Variants in MAPK8IP3 observed in about 807,000 individuals in gnomAD.
MAPK8IP3 encodes C-Jun-amino-terminal kinase-interacting protein 3.
MAPK8IP3 carries 49 observed loss-of-function variants against 157.8 expected under a neutral mutation model. That is an observed-to-expected ratio of 0.31 (90% confidence interval 0.25 to 0.39). The LOEUF (loss-of-function observed/expected upper bound fraction) is 0.39. Among genes scored for constraint, MAPK8IP3 ranks in the 10% least tolerant of loss-of-function variants. The pLI is 1.00. For missense variants in MAPK8IP3, 1,478 were observed against 1,889.4 expected (o/e 0.78, Z 4.04); for synonymous variants, 897 against 777.7 (o/e 1.15, Z -2.55).
Position 1,743,404 on chromosome 16 carries a change from C to A in MAPK8IP3, c.675C>A (p.Gly225=), listed in dbSNP as rs777694953. 3 of 1,609,716 alleles carry A rather than the reference C, an allele frequency of 1.9e-6. No homozygotes were observed. The highest frequency in any genetic ancestry group is 4.5e-5 in the East Asian group (2 of 44,540). The change falls in exon 5 of 32, where the codon GGC becomes GGA. Residue 225 remains glycine, a synonymous_variant. Coordinates refer to ENST00000610761, the MANE Select transcript of MAPK8IP3 (RefSeq NM_001318852.2). This position sits in a 1 kb window ranked among gnomAD's most constrained non-coding sequence, Gnocchi z 5.6. The part of the protein sequence containing the change: ...ADGTVRAQIG[G]KLVPAGDHWH... ...GCACGGTACGTGCACAGATCGGGGG[C>A]AAGCTCGTGCCTGCGGGGGACCACT...
chr16:1,762,869 C>T lies in MAPK8IP3; in HGVS notation c.1761C>T (p.Pro587=). ...GCCTCTTCAGCTCTTCCTCCAGCCC[C>T]CCTCCGGCCAAGCGCCCCTATCCCT... ...FSRLFSSSSS[P]PPAKRPYPSV... The change falls in exon 16 of 32, where the codon CCC becomes CCT. Residue 587 remains proline, a synonymous_variant. Coordinates refer to ENST00000610761, the MANE Select transcript of MAPK8IP3 (RefSeq NM_001318852.2). The T allele has an allele frequency of 1.9e-6, 3 of 1,613,244 alleles. No individual in the cohort carries two copies. The highest frequency in any genetic ancestry group is 2.5e-6 in the Non-Finnish European group (3 of 1,179,954).
In MAPK8IP3 at chr16:1,714,432, G is replaced by A. The variant is rs529156896; in HGVS notation, c.318+7775G>A. 1.3e-4 allele frequency among the ~76,000 whole-genome samples: 19 copies of A among 146,172 alleles called. No individual in the cohort carries two copies. The South Asian group carries it at 1.7e-3, about 13-fold the overall frequency. ...ACTGTTACGGCAAGAGATCCAGGGC[G>A]TGCCACGTGAAACGCGACAGGGCCT... is the stretch of plus-strand genomic sequence containing the variant. On this transcript the variant is annotated intron_variant, in intron 1 of 31. Coordinates refer to ENST00000610761, the MANE Select transcript of MAPK8IP3 (RefSeq NM_001318852.2).
intron 1 of MAPK8IP3, among the ~76,000 whole-genome samples, chr16:1,709,116 T>G (rs2037589044): frequency 6.6e-6 from 1 of 152,236 alleles, no homozygotes; most frequent in Non-Finnish European, 1.5e-5. Flanking sequence ...CCTGAGCCAC[T>G]GCAGCTTCTG....
chr16:1,767,368 T>C, intron 26 of MAPK8IP3, 71 bp downstream of exon 26: 1 of 1,595,022 alleles, frequency 6.3e-7, no homozygotes, highest in Non-Finnish European at 8.6e-7. Flanking sequence ...GCATCTTCCA[T>C]ACGGAAGTCC....
chr16:1,745,007 T>C (rs2040881429), intron 5 of MAPK8IP3: 2 of 985,456 alleles, frequency 2.0e-6, no homozygotes, highest in African/African-American at 1.7e-5. Context: ...TGGCTACTCA[T>C]GGTGAGGAAT....
At chr16:1,729,278 T>C (rs2039125545) in intron 3 of MAPK8IP3, 70 bp downstream of exon 3, 1 of 1,541,290 alleles carries the variant, frequency 6.5e-7, no homozygotes, top group African/African-American at 1.4e-5. Context: ...CTGCGACTCT[T>C]GCGGACCGTG....
intron 4 of MAPK8IP3, among the ~76,000 whole-genome samples, chr16:1,737,008 C>T (rs2039973567): frequency 3.2e-5 from 2 of 62,060 alleles, no homozygotes; most frequent in Non-Finnish European, 6.1e-5. Context: ...GTGTGACCGT[C>T]CGTGTGAGAG....
intron 15 of MAPK8IP3, 40 bp downstream of exon 15, chr16:1,762,771 A>AG: frequency 6.3e-7 from 1 of 1,589,640 alleles, no homozygotes; most frequent in East Asian, 2.3e-5. Context: ...CAGCAGCTGC[A>AG]GGGGAAGGGG....
At chr16:1,759,353 T>C (rs760996909) in intron 10 of MAPK8IP3, among the ~76,000 whole-genome samples, 8 of 152,332 alleles carry the variant, frequency 5.3e-5, no homozygotes, top group Non-Finnish European at 1.0e-4. Flanking sequence ...TGTGATGCTG[T>C]TTCATGACTG....
chr16:1,757,972 C>A (rs950391778), intron 8 of MAPK8IP3, among the ~76,000 whole-genome samples, 176 bp from the exon 9 acceptor site: 2 of 152,376 alleles, frequency 1.3e-5, no homozygotes, highest in Admixed American at 1.3e-4. Context: ...TCTGCCTGGG[C>A]ACACGGGGCA....
chr16:1,750,494 T>G (rs185247123), intron 8 of MAPK8IP3, among the ~76,000 whole-genome samples: 2 of 152,276 alleles, frequency 1.3e-5, no homozygotes, highest in African/African-American at 2.4e-5. Flanking sequence ...ATTACAAGTG[T>G]GAGCCACCAT....
At chr16:1,747,596 C>T (rs2041042784) in intron 6 of MAPK8IP3, among the ~76,000 whole-genome samples, 1 of 152,226 alleles carries the variant, frequency 6.6e-6, no homozygotes, top group Non-Finnish European at 1.5e-5. Context: ...CCATAATCAC[C>T]TCTTGAAAGG....
At chr16:1,748,490 C>A in intron 7 of MAPK8IP3, 112 bp from the exon 8 acceptor site, 1 of 1,137,398 alleles carries the variant, frequency 8.8e-7, no homozygotes, top group South Asian at 1.3e-5. Context: ...GCCTGCAGGG[C>A]AGTGTGGGCA....
At position 1,766,386 on chromosome 16, in the gene MAPK8IP3, G is replaced by T. The variant is rs369545516; in HGVS notation, c.2796G>T (p.Pro932=). The part of the protein sequence containing the change: ...EHVFTDPAPT[P]SSGPQPGSEN... Reference sequence around the variant, plus strand: ...TCTTCACTGACCCAGCCCCGACCCCGTCCTCTGGCCCCCAGCCTGGCAGGT... The same window carrying T: ...TCTTCACTGACCCAGCCCCGACCCCTTCCTCTGGCCCCCAGCCTGGCAGGT... The change falls in exon 22 of 32, where the codon CCG becomes CCT. Residue 932 remains proline (P), a synonymous_variant. Coordinates refer to ENST00000610761, the MANE Select transcript of MAPK8IP3 (RefSeq NM_001318852.2). 1 of 1,611,370 alleles carries T rather than the reference G, an allele frequency of 6.2e-7. No homozygotes were observed. Among genetic ancestry groups the T allele is most frequent in the South Asian group, 1.1e-5 (1 of 91,052 alleles).
chr16:1,735,942 G>C (rs1438472719), intron 4 of MAPK8IP3, among the ~76,000 whole-genome samples: 1 of 144,362 alleles, frequency 6.9e-6, no homozygotes, highest in Non-Finnish European at 1.5e-5. Flanking sequence ...GTGACCGTCT[G>C]TGTGAGTGTG....
At chr16:1,722,114 G>A (rs1314704199) in intron 1 of MAPK8IP3, among the ~76,000 whole-genome samples, 1 of 152,222 alleles carries the variant, frequency 6.6e-6, no homozygotes, top group East Asian at 1.9e-4. Flanking sequence ...TAGCATGTGT[G>A]TGTTCTTCAT....
rs751583117 is a variant in MAPK8IP3, at chr16:1,761,294, T to C, written c.1528T>C (p.Cys510Arg). The C allele has an allele frequency of 2.5e-6, 4 of 1,612,974 alleles. No homozygotes were observed. Among genetic ancestry groups the C allele is most frequent in the Non-Finnish European group, 3.4e-6 (4 of 1,179,664 alleles). Reference sequence around the variant, plus strand: ...GGCGGAGGATGTAAGCAGCTATCTCTGTACAGAATCGGTACATCCACTCTT... The same window carrying C: ...GGCGGAGGATGTAAGCAGCTATCTCCGTACAGAATCGGTACATCCACTCTT... ...EEAEDVSSYL[C>R]TESDKIPMAQ... The change falls in exon 13 of 32, where the codon TGT becomes CGT. Residue 510 changes from cysteine to arginine, a missense_variant. By Grantham distance (180) the Cys-to-Arg change is radical. Transcript: ENST00000610761.
intron 5 of MAPK8IP3, chr16:1,746,734 A>G (rs2141859971): frequency 2.3e-6 from 1 of 434,256 alleles, no homozygotes; most frequent in East Asian, 4.1e-5. Flanking sequence ...GCACTGGCCC[A>G]TTACAAGCAA....
rs756074217 is a variant in MAPK8IP3, at chr16:1,762,821, C to A, written c.1728-15C>A. 7.4e-6 allele frequency: 12 copies of A among 1,610,892 alleles called. No homozygotes were observed. Among genetic ancestry groups the A allele is most frequent in the Non-Finnish European group, 1.0e-5 (12 of 1,178,128 alleles). ...GGTCCTCTGCCCACCCCTCACCTCC[C>A]TGTGCCTCTGGCAGCTTCAGCCGCC... On this transcript the variant is annotated splice_polypyrimidine_tract_variant and intron_variant, in intron 15 of 31. Transcript: ENST00000610761.
Sources: allele counts gnomAD v4.1 joint callset (sites outside exome capture counted in the v4.1 genomes callset), GRCh38; gene constraint gnomAD v4.1.1; non-coding constraint Gnocchi (gnomAD v3.1); transcripts MANE v1.5; gene names NCBI Gene and HGNC (gene_info 2026-07-23, HGNC 2026-07-21).